OR6N2: variants seen among roughly 807,000 people sequenced by gnomAD.
OR6N2 encodes olfactory receptor 6N2.
For missense variants in OR6N2, 399 were observed against 379.7 expected, an observed-to-expected ratio of 1.05 and a Z score of -0.42; for synonymous variants, 160 against 138.3, an observed-to-expected ratio of 1.16 and a Z score of -1.10.
chr1:158,777,324 G>A lies in OR6N2; in HGVS notation c.312C>T (p.Phe104=). 6.2e-7 allele frequency: 1 copy of A among 1,614,098 alleles called. No individual in the cohort carries two copies. The highest frequency in any genetic ancestry group is 8.5e-7 in the Non-Finnish European group (1 of 1,179,996). The change falls in exon 2 of 2, where the codon TTC becomes TTT. Residue 104 remains phenylalanine, a synonymous_variant. Coordinates refer to ENST00000641131, the MANE Select transcript of OR6N2 (RefSeq NM_001005278.2). ...FAGCLLQTYF[F]HSLGASECYL... is the part of the protein sequence containing the mutation. ...AGCATTCAGACGCTCCCAAGGAGTG[G>A]AAGAAGTAGGTCTGAAGGAGGCATC...
At chr1:158,778,252 G>T (rs61357170) in intron 1 of OR6N2, among the ~76,000 whole-genome samples, 1 of 152,160 alleles carries the variant, frequency 6.6e-6, no homozygotes, top group African/African-American at 2.4e-5. Flanking sequence ...TTACAACCCT[G>T]TAGAGAAGCA....
At chr1:158,780,266 A>G (rs1158651526) in intron 1 of OR6N2, among the ~76,000 whole-genome samples, 1 of 152,184 alleles carries the variant, frequency 6.6e-6, no homozygotes, top group Non-Finnish European at 1.5e-5. Flanking sequence ...CCTTTATACA[A>G]GTTAGCTTTT....
At position 158,776,598 on chromosome 1, in the gene OR6N2, T is replaced by C. The variant is rs1341916785; in HGVS notation, c.*84A>G. On this transcript the variant is annotated 3_prime_UTR_variant, in exon 2 of 2. Coordinates refer to ENST00000641131, the MANE Select transcript of OR6N2 (RefSeq NM_001005278.2). Reference sequence around the variant, plus strand: ...TTGAAGAGGTGAAAGGAAATGAAATTCAGAGCATGTGTGATGATGGGAAGA... The same window carrying C: ...TTGAAGAGGTGAAAGGAAATGAAATCCAGAGCATGTGTGATGATGGGAAGA... 3 of 716,748 alleles carry C rather than the reference T, an allele frequency of 4.2e-6. No homozygotes were observed. The highest frequency in any genetic ancestry group is 7.0e-6 in the Non-Finnish European group (3 of 431,518). The allele number at this position is 716,748 out of a possible 1,614,324, so 44.4% of individuals were successfully genotyped here. A position where few individuals can be genotyped will look rare whatever the true frequency, so the allele number is the denominator to read the frequency against.
chr1:158,779,828 T>G (rs1176413339), intron 1 of OR6N2, among the ~76,000 whole-genome samples: 2 of 152,218 alleles, frequency 1.3e-5, no homozygotes, highest in Admixed American at 6.5e-5. Flanking sequence ...AAGAATTATT[T>G]ATTCATTTTC....
intron 1 of OR6N2, among the ~76,000 whole-genome samples, chr1:158,780,153 G>T (rs1258572198): frequency 3.3e-5 from 5 of 152,124 alleles, no homozygotes; most frequent in Non-Finnish European, 7.4e-5. Flanking sequence ...CCCTAATCCT[G>T]TTGAAAGACC....
At chr1:158,780,165 A>G (rs953417417) in intron 1 of OR6N2, among the ~76,000 whole-genome samples, 1 of 152,220 alleles carries the variant, frequency 6.6e-6, no homozygotes, top group African/African-American at 2.4e-5. Flanking sequence ...TGAAAGACCT[A>G]TCATTGTTCC....
intron 1 of OR6N2, among the ~76,000 whole-genome samples, chr1:158,777,873 C>T (rs1657651124): frequency 6.6e-6 from 1 of 152,132 alleles, no homozygotes; most frequent in African/African-American, 2.4e-5. Flanking sequence ...AATTTTTATA[C>T]TTCAATGAGA....
In OR6N2 at chr1:158,777,611, G is replaced by T; in HGVS notation, c.25C>A (p.Leu9Met). 2 of 1,613,348 alleles carry T rather than the reference G, an allele frequency of 1.2e-6. No homozygotes were observed. The highest frequency in any genetic ancestry group is 4.5e-5 in the East Asian group (2 of 44,860). The change falls in exon 2 of 2, where the codon CTG becomes ATG. Residue 9 changes from leucine to methionine, a missense_variant. Transcript: ENST00000641131. The stretch of plus-strand genomic sequence containing the variant: ...AAGCCAAGGAACACAAATTCAGCCA[G>T]GCTTGAATGGTTGTATTGATCCATG... MDQYNHSS[L>M]AEFVFLGFAS... is the part of the protein sequence containing the mutation.
chr1:158,779,018 CAA>C (rs10680954), intron 1 of OR6N2, among the ~76,000 whole-genome samples: 9 of 86,390 alleles, frequency 1.0e-4, no homozygotes, highest in Admixed American at 3.8e-4. Flanking sequence ...GACTGCGTCT[CAA>C]AAAAAAAAAA....
intron 1 of OR6N2, among the ~76,000 whole-genome samples, chr1:158,778,270 C>T (rs1390422104): frequency 2.0e-5 from 3 of 152,092 alleles, no homozygotes; most frequent in Non-Finnish European, 2.9e-5. Flanking sequence ...GCAGACATCT[C>T]AATAGGATTT....
chr1:158,780,293 G>A (rs1298015791), intron 1 of OR6N2, among the ~76,000 whole-genome samples: 1 of 152,220 alleles, frequency 6.6e-6, no homozygotes. Flanking sequence ...CCAACTGTAT[G>A]TGTAGAACAA....
At position 158,776,339 on chromosome 1, in the gene OR6N2, G is replaced by A. The variant is rs1263827444; in HGVS notation, c.*343C>T. 5.7e-6 allele frequency: 1 copy of A among 176,124 alleles called. No homozygotes were observed. Among genetic ancestry groups the A allele is most frequent in the Non-Finnish European group, 1.2e-5 (1 of 84,642 alleles). The allele number at this position is 176,124 out of a possible 1,614,324, so 10.9% of individuals were successfully genotyped here. On this transcript the variant is annotated 3_prime_UTR_variant, in exon 2 of 2. Transcript: ENST00000641131. ...TAAGATTGGAATGGGTTGAGAAGTG[G>A]ATATGAAGTAAAGAAGAGGAAATAT...
Position 158,776,920 on chromosome 1 carries a change from G to C in OR6N2, c.716C>G (p.Ser239Cys), listed in dbSNP as rs1372859026. 1 of 1,614,078 alleles carries C rather than the reference G, an allele frequency of 6.2e-7. No individual in the cohort carries two copies. The highest frequency in any genetic ancestry group is 8.5e-7 in the Non-Finnish European group (1 of 1,179,972). Residue 239 changes from serine to cysteine, a missense_variant, in exon 2 of 2, where the codon TCT (serine) becomes TGT (cysteine). Coordinates refer to ENST00000641131, the MANE Select transcript of OR6N2 (RefSeq NM_001005278.2). ...CACAGCAAGATGTGAGGCACAGGTA[G>C]AAAAGGCCTTCTTTCTTCCTGATGC... ...KTASGRKKAF[S>C]TCASHLAVVL...
chr1:158,777,216 G>A lies in OR6N2; in HGVS notation c.420C>T (p.Leu140=). The change falls in exon 2 of 2, where the codon CTC becomes CTT. Residue 140 remains leucine (L), a synonymous_variant. Coordinates refer to ENST00000641131, the MANE Select transcript of OR6N2 (RefSeq NM_001005278.2). ...AACAAGCAGCAGCCATCTTGGCACA[G>A]AGTGTGGTGGTCATAATTATAGGGT... ...LHYPIIMTTT[L]CAKMAAACWT... is the part of the protein sequence containing the mutation. 1 of 1,614,142 alleles carries A rather than the reference G, an allele frequency of 6.2e-7. No homozygotes were observed. The highest frequency in any genetic ancestry group is 2.2e-5 in the East Asian group (1 of 44,854).
intron 1 of OR6N2, among the ~76,000 whole-genome samples, chr1:158,780,481 C>T (rs1657725858): frequency 6.6e-6 from 1 of 152,140 alleles, no homozygotes; most frequent in South Asian, 2.1e-4. Context: ...TGCTCCTCGA[C>T]TTACAAAGGG....
intron 1 of OR6N2, among the ~76,000 whole-genome samples, chr1:158,779,461 G>C (rs1657694665): frequency 6.6e-6 from 1 of 152,188 alleles, no homozygotes; most frequent in Non-Finnish European, 1.5e-5. Context: ...TTAATAATTA[G>C]TAGACCAATA....
rs986016063 is a variant in OR6N2 at position 158,775,763 on chromosome 1, T to C, written c.*919A>G. 6.6e-5 allele frequency: 10 copies of C among 152,194 alleles called. No homozygotes were observed. Among genetic ancestry groups the C allele is most frequent in the Non-Finnish European group, 1.2e-4 (8 of 68,034 alleles). 9.4% of individuals were successfully genotyped at this position (152,194 alleles called of 1,614,324 possible). On this transcript the variant is annotated 3_prime_UTR_variant, in exon 2 of 2. Transcript: ENST00000641131. ...TTGTGAAAAGATTGTTGGCATACATTAATAATTGATTGGAATTATGGTTGT... is the reference window on the plus strand; with the variant it reads ...TTGTGAAAAGATTGTTGGCATACATCAATAATTGATTGGAATTATGGTTGT...
Position 158,776,069 on chromosome 1 carries a change from T to C in OR6N2, c.*613A>G, listed in dbSNP as rs1261778088. On this transcript the variant is annotated 3_prime_UTR_variant, in exon 2 of 2. Transcript: ENST00000641131. ...GAATAACTCCGAGTATCTAGGGAGA[T>C]AGCACGGCAGGACAACGAAGACTGG... The C allele has an allele frequency of 6.6e-6, 1 of 152,114 alleles. No individual in the cohort carries two copies. The highest frequency in any genetic ancestry group is 1.5e-5 in the Non-Finnish European group (1 of 68,044). The allele number at this position is 152,114 out of a possible 1,614,324, so 9.4% of individuals were successfully genotyped here. A position where few individuals can be genotyped will look rare whatever the true frequency, so the allele number is the denominator to read the frequency against.
rs762597121 is a variant in OR6N2 at position 158,777,524 on chromosome 1, T to G, written c.112A>C (p.Thr38Pro). Residue 38 changes from threonine to proline, a missense_variant, in exon 2 of 2, where the codon ACC becomes CCC. Coordinates refer to ENST00000641131, the MANE Select transcript of OR6N2 (RefSeq NM_001005278.2). Reference sequence around the variant, plus strand: ...AAGATGAGCATGTTACCACAGATGGTGAACAGGTATGCCAATAGCAGCAGG... The same window carrying G: ...AAGATGAGCATGTTACCACAGATGGGGAACAGGTATGCCAATAGCAGCAGG... ...FVLLLLAYLFTICGNMLIFSV... is the reference protein window; with the variant it reads ...FVLLLLAYLFPICGNMLIFSV... 1.2e-6 allele frequency: 2 copies of G among 1,614,122 alleles called. No homozygotes were observed. The highest frequency in any genetic ancestry group is 2.2e-5 in the South Asian group (2 of 91,082).
Sources: allele counts gnomAD v4.1 joint callset (sites outside exome capture counted in the v4.1 genomes callset), GRCh38; gene constraint gnomAD v4.1.1; transcripts MANE v1.5; gene names NCBI Gene and HGNC (gene_info 2026-07-23, HGNC 2026-07-21).